Variants in GMDS observed in about 807,000 individuals in gnomAD.
GMDS encodes GDP-mannose 4,6-dehydratase, also known as GDP-mannose 4,6 dehydratase.
GMDS carries 20 observed loss-of-function variants against 49.9 expected under a neutral mutation model. That is an observed-to-expected ratio of 0.40 (90% CI 0.28 to 0.58). GMDS has a LOEUF of 0.58. Among genes scored for constraint, GMDS ranks in the 20% least tolerant of loss-of-function variants. GMDS has a pLI of 0.42. For synonymous variants in GMDS, 177 were observed against 178.6 expected (o/e 0.99, Z 0.07); for missense variants, 362 against 481.4 (o/e 0.75, Z 2.32).
intron 7 of GMDS, among the ~76,000 whole-genome samples, chr6:1,896,130 G>A (rs954222366): frequency 6.6e-6 from 1 of 152,108 alleles, no homozygotes; most frequent in African/African-American, 2.4e-5. Context: ...TGGAGCTAAG[G>A]CAGAGTTTCT....
rs1781836671 is a variant in GMDS, at chr6:2,245,605, G to A, written c.-183C>T. On this transcript the variant is annotated 5_prime_UTR_variant, in exon 1 of 11. Coordinates refer to ENST00000380815, the MANE Select transcript of GMDS (RefSeq NM_001500.4). ...GGGCGCACGGGAGGCCGTGCAGGGA[G>A]GGCCGGGGGCGGGCCGAGCCGGCCA... 8.2e-6 allele frequency: 3 copies of A among 365,610 alleles called. No homozygotes were observed. The highest frequency in any genetic ancestry group is 2.1e-5 in the African/African-American group (1 of 46,818). The allele number at this position is 365,610 out of a possible 1,614,324, so 22.6% of individuals were successfully genotyped here. A position where few individuals can be genotyped will look rare whatever the true frequency, so the allele number is the denominator to read the frequency against.
chr6:1,974,667 G>C (rs1022155577), intron 4 of GMDS, among the ~76,000 whole-genome samples: 1 of 152,098 alleles, frequency 6.6e-6, no homozygotes. Flanking sequence ...CATTCAAGAA[G>C]TCAGGAGTGA....
chr6:1,927,400 G>A (rs1762074418), intron 7 of GMDS, among the ~76,000 whole-genome samples: 1 of 152,238 alleles, frequency 6.6e-6, no homozygotes, highest in Non-Finnish European at 1.5e-5. Context: ...TTTATTCAGA[G>A]GGTAGCGTGT....
intron 7 of GMDS, among the ~76,000 whole-genome samples, chr6:1,764,067 G>C (rs1768257985): frequency 6.6e-6 from 1 of 152,088 alleles, no homozygotes; most frequent in African/African-American, 2.4e-5. Flanking sequence ...TGCTACTGAG[G>C]CTGGGGGTTA....
intron 9 of GMDS, among the ~76,000 whole-genome samples, chr6:1,722,331 C>T (rs1029292490): frequency 6.6e-6 from 1 of 151,198 alleles, no homozygotes; most frequent in African/African-American, 2.4e-5. Flanking sequence ...TTGTGATCTG[C>T]CCGCCTCGGC....
chr6:2,180,510 A>T (rs1189981021), intron 1 of GMDS, among the ~76,000 whole-genome samples: 1 of 152,156 alleles, frequency 6.6e-6, no homozygotes, highest in Non-Finnish European at 1.5e-5. Context: ...GAAAAATTGA[A>T]TTTTTCCCTT....
intron 7 of GMDS, among the ~76,000 whole-genome samples, chr6:1,770,354 G>C (rs1212104238): frequency 6.6e-6 from 1 of 152,244 alleles, no homozygotes; most frequent in African/African-American, 2.4e-5. Flanking sequence ...AATTTTGCAT[G>C]TGTTTACTGA....
At chr6:2,110,602 C>A (rs1774492945) in intron 4 of GMDS, among the ~76,000 whole-genome samples, 1 of 152,126 alleles carries the variant, frequency 6.6e-6, no homozygotes, top group South Asian at 2.1e-4. Flanking sequence ...CAGACTCAAC[C>A]CCCTGGGGCT....
At chr6:2,105,441 T>A (rs1017051482) in intron 4 of GMDS, among the ~76,000 whole-genome samples, 1 of 152,166 alleles carries the variant, frequency 6.6e-6, no homozygotes, top group African/African-American at 2.4e-5. Flanking sequence ...CTGACCATAC[T>A]GGCTCTGAAT....
At chr6:1,725,681 C>T (rs148278068) in intron 9 of GMDS, among the ~76,000 whole-genome samples, 2,743 of 152,288 alleles carry the variant, frequency 0.018, 72 homozygotes, top group African/African-American at 0.062. Context: ...ATCTGCATGC[C>T]TCTGCCTCCC....
At chr6:1,633,118 A>G (rs900846578) in intron 9 of GMDS, among the ~76,000 whole-genome samples, 1 of 152,198 alleles carries the variant, frequency 6.6e-6, no homozygotes, top group Non-Finnish European at 1.5e-5. Flanking sequence ...TGAGGCTATT[A>G]TTTATCACTA....
At chr6:1,668,515 G>C (rs1764305149) in intron 9 of GMDS, among the ~76,000 whole-genome samples, 1 of 152,144 alleles carries the variant, frequency 6.6e-6, no homozygotes, top group Non-Finnish European at 1.5e-5. Context: ...TTTGAGACCA[G>C]CTTGGCCAAC....
At chr6:1,697,261 A>T (rs75256861) in intron 9 of GMDS, among the ~76,000 whole-genome samples, 8,344 of 152,284 alleles carry the variant, frequency 0.055, 569 homozygotes, top group African/African-American at 0.14. Context: ...ACCTGGGGCA[A>T]CACACTCACA....
At chr6:2,217,906 GAA>G (rs1780412083) in intron 1 of GMDS, among the ~76,000 whole-genome samples, 1 of 152,102 alleles carries the variant, frequency 6.6e-6, no homozygotes, top group Non-Finnish European at 1.5e-5. Flanking sequence ...TTTTGATCCA[GAA>G]AATAAAAAGT....
At chr6:1,784,398 A>G (rs993373051) in intron 7 of GMDS, among the ~76,000 whole-genome samples, 14 of 150,148 alleles carry the variant, frequency 9.3e-5, no homozygotes, top group African/African-American at 3.4e-4. Context: ...CTCAAAAAAA[A>G]AAAAAAAAAA....
Position 1,917,138 on chromosome 6 carries a change from G to C in GMDS, c.771+12965C>G, listed in dbSNP as rs534950339. On this transcript the variant is annotated intron_variant, in intron 7 of 10. Transcript: ENST00000380815. ...GATGATTAGAGGTATTAGGCCAGCA[G>C]TAGAGATGCTAGTTTATATGTAATA... Among the ~76,000 whole-genome samples the C allele has an allele frequency of 3.2e-4, 49 of 152,252 alleles. 3 individuals are homozygous for C. The South Asian group carries it at 9.5e-3, about 30-fold the overall frequency.
At chr6:2,163,974 T>C (rs2127548197) in intron 1 of GMDS, among the ~76,000 whole-genome samples, 1 of 152,324 alleles carries the variant, frequency 6.6e-6, no homozygotes, top group Admixed American at 6.5e-5. Context: ...AAGTAGGTCT[T>C]TAACGACAAA....
intron 4 of GMDS, among the ~76,000 whole-genome samples, chr6:2,006,477 C>G (rs972862990): frequency 6.6e-6 from 1 of 152,092 alleles, no homozygotes; most frequent in Non-Finnish European, 1.5e-5. Context: ...ATCAAATCCA[C>G]TGGTTTCTGG....
chr6:1,679,222 G>A (rs1422232423), intron 9 of GMDS: 3 of 152,232 alleles, frequency 2.0e-5, no homozygotes, highest in Non-Finnish European at 4.4e-5. Flanking sequence ...AGTGTAACTT[G>A]TGTGAAGGCT....
Sources: gnomAD v4.1 joint callset for allele counts (sites outside exome capture counted in the v4.1 genomes callset) on GRCh38, gnomAD v4.1.1 for gene constraint, MANE v1.5 for transcripts, NCBI Gene and HGNC (gene_info 2026-07-23, HGNC 2026-07-21) for gene names.